Variants in UBE4B observed in about 807,000 individuals in gnomAD.
UBE4B encodes ubiquitin conjugation factor E4 B.
UBE4B carries 27 observed loss-of-function variants against 148.1 expected under a neutral mutation model. The observed-to-expected ratio is 0.18, with a 90% CI of 0.13 to 0.25. UBE4B has a LOEUF of 0.25. UBE4B is among the 10% of genes least tolerant of loss of function. UBE4B has a pLI of 1.00. For missense variants in UBE4B, 1,170 were observed against 1,662.4 expected, an observed-to-expected ratio of 0.70 and a Z score of 5.15; for synonymous variants, 596 against 619.3, an observed-to-expected ratio of 0.96 and a Z score of 0.56.
chr1:10,128,245 C>T (rs900226211), intron 11 of UBE4B: 3 of 152,166 alleles, frequency 2.0e-5, no homozygotes, highest in Non-Finnish European at 4.4e-5. Flanking sequence ...CTTTTAGCAT[C>T]TGATATCACC....
In UBE4B at chr1:10,154,200, G is replaced by A. The variant is rs115835954; in HGVS notation, c.2926+2639G>A. 9.2e-3 allele frequency among the ~76,000 whole-genome samples: 1,392 copies of A among 151,806 alleles called. 10 individuals are homozygous for A. The highest frequency in any genetic ancestry group is 0.021 in the African/African-American group (852 of 41,352). On this transcript the variant is annotated intron_variant, in intron 21 of 27. Transcript: ENST00000343090. ...AGAGGTTGCAATGAGCCAAGATCGCGCTACTGCACTTCAGCCTGGTGACAG... is the reference window on the plus strand; with the variant it reads ...AGAGGTTGCAATGAGCCAAGATCGCACTACTGCACTTCAGCCTGGTGACAG...
At chr1:10,121,540 C>T (rs768414284) in intron 9 of UBE4B, among the ~76,000 whole-genome samples, 14 of 152,070 alleles carry the variant, frequency 9.2e-5, no homozygotes, top group Non-Finnish European at 2.1e-4. Context: ...ACTCCAGGCA[C>T]ACACCATCTT....
intron 2 of UBE4B, among the ~76,000 whole-genome samples, chr1:10,086,425 G>A (rs1644767867): frequency 6.6e-6 from 1 of 152,160 alleles, no homozygotes; most frequent in African/African-American, 2.4e-5. Flanking sequence ...TTATCAGGGA[G>A]GGGTTGCAGG....
chr1:10,132,588 T>C lies in UBE4B; in HGVS notation c.2025+106T>C, dbSNP rs1469190632. The stretch of plus-strand genomic sequence containing the variant: ...TGTTCTAGGAGTGGGGGTACAGTAT[T>C]GAACAAGGTAGACGAGCTTCCTGCT... On this transcript the variant is annotated intron_variant, in intron 15 of 27. Coordinates refer to ENST00000343090, the MANE Select transcript of UBE4B (RefSeq NM_001105562.3). 8 of 890,952 alleles carry C rather than the reference T, an allele frequency of 9.0e-6. No individual in the cohort carries two copies. In the African/African-American group the frequency reaches 1.2e-4, roughly 13 times the overall value. 55.2% of individuals were successfully genotyped at this position (890,952 alleles called of 1,614,324 possible). A position where few individuals can be genotyped will look rare whatever the true frequency, so the allele number is the denominator to read the frequency against.
At chr1:10,047,141 T>A (rs1199833563) in intron 1 of UBE4B, among the ~76,000 whole-genome samples, 10 of 152,232 alleles carry the variant, frequency 6.6e-5, no homozygotes, top group Admixed American at 5.9e-4. Flanking sequence ...ATATTTGTAT[T>A]GTTAAGGTTG....
intron 2 of UBE4B, among the ~76,000 whole-genome samples, chr1:10,083,484 T>C (rs561425450): frequency 3.3e-5 from 5 of 152,364 alleles, no homozygotes; most frequent in African/African-American, 1.2e-4. Flanking sequence ...TGGTAAGTTG[T>C]CTTTGGCTAA....
intron 2 of UBE4B, among the ~76,000 whole-genome samples, chr1:10,090,906 A>G (rs979302600): frequency 2.0e-5 from 3 of 152,086 alleles, no homozygotes; most frequent in Non-Finnish European, 2.9e-5. Context: ...AGGGAACATC[A>G]TTCAGGAAAT....
At chr1:10,163,688 AAG>A (rs988245474) in intron 23 of UBE4B, among the ~76,000 whole-genome samples, 12 of 152,006 alleles carry the variant, frequency 7.9e-5, no homozygotes, top group African/African-American at 2.9e-4. Context: ...ATAAATATTA[AAG>A]AGAGAGAGTC....
intron 4 of UBE4B, among the ~76,000 whole-genome samples, chr1:10,101,498 C>CTTTTTTTTTTTTT (rs34066776): frequency 1.8e-5 from 1 of 56,178 alleles, no homozygotes; most frequent in East Asian, 5.0e-4. Flanking sequence ...TGGTCTTTTG[C>CTTTTTTTTTTTTT]TTTTTTTTTT....
rs190947854 is a variant in UBE4B at position 10,086,385 on chromosome 1, T to G, written c.212-9076T>G. On this transcript the variant is annotated intron_variant, in intron 2 of 27. Coordinates refer to ENST00000343090, the MANE Select transcript of UBE4B (RefSeq NM_001105562.3). ...GGCCTCCCAAAGTGTTCAGTGACTA[T>G]TAAATATGCACTGTGAAATGTATTC... Among the ~76,000 whole-genome samples, 856 of 152,222 alleles carry G rather than the reference T, an allele frequency of 5.6e-3. 17 individuals carry two copies. The highest frequency in any genetic ancestry group is 3.7e-3 in the South Asian group (18 of 4,824).
At chr1:10,174,428 C>T (rs934824735) in intron 25 of UBE4B, among the ~76,000 whole-genome samples, 1 of 150,506 alleles carries the variant, frequency 6.6e-6, no homozygotes, top group African/African-American at 2.4e-5. Flanking sequence ...GGGCTGGGTG[C>T]GGTGGCTCAC....
At chr1:10,156,525 G>A (rs1254763957) in intron 21 of UBE4B, among the ~76,000 whole-genome samples, 6 of 152,094 alleles carry the variant, frequency 3.9e-5, no homozygotes, top group African/African-American at 1.2e-4. Flanking sequence ...CAGATGCGGG[G>A]CCCTGCTGAG....
intron 1 of UBE4B, among the ~76,000 whole-genome samples, chr1:10,053,678 T>C (rs1334833263): frequency 6.6e-6 from 1 of 152,062 alleles, no homozygotes; most frequent in African/African-American, 2.4e-5. Context: ...GCATGGCTGA[T>C]TTTGAAAACT....
At chr1:10,173,498 T>C (rs1204937119) in intron 25 of UBE4B, among the ~76,000 whole-genome samples, 1 of 148,684 alleles carries the variant, frequency 6.7e-6, no homozygotes, top group African/African-American at 2.5e-5. Context: ...AAAAAAATTA[T>C]ATATATATAT....
chr1:10,099,099 G>A (rs769630874), intron 3 of UBE4B, among the ~76,000 whole-genome samples: 6 of 152,002 alleles, frequency 3.9e-5, no homozygotes, highest in African/African-American at 7.2e-5. Flanking sequence ...AAAATTAGCC[G>A]GGCATGGTGG....
At chr1:10,134,956 T>C in intron 15 of UBE4B, 32 bp from the exon 16 acceptor site, 1 of 1,604,106 alleles carries the variant, frequency 6.2e-7, no homozygotes, top group Non-Finnish European at 8.5e-7. Context: ...TTTTTAATGT[T>C]TAAAAATACT....
At chr1:10,086,127 A>AT in intron 2 of UBE4B, among the ~76,000 whole-genome samples, 1 of 151,994 alleles carries the variant, frequency 6.6e-6, no homozygotes, top group Non-Finnish European at 1.5e-5. Flanking sequence ...GCCCGCCACC[A>AT]CGCCAGGCTA....
intron 19 of UBE4B, among the ~76,000 whole-genome samples, chr1:10,148,175 G>C (rs547608905): frequency 6.6e-6 from 1 of 150,970 alleles, no homozygotes; most frequent in African/African-American, 2.4e-5. Context: ...TCCGGTGAGC[G>C]GAGATCACGT....
chr1:10,082,249 A>G (rs573769288), intron 2 of UBE4B, among the ~76,000 whole-genome samples: 65 of 152,090 alleles, frequency 4.3e-4, no homozygotes, highest in African/African-American at 1.5e-3. Flanking sequence ...CCGTCATCCT[A>G]GTGCTTTGGG....
Sources: allele counts gnomAD v4.1 joint callset (sites outside exome capture counted in the v4.1 genomes callset), GRCh38; gene constraint gnomAD v4.1.1; transcripts MANE v1.5; gene names NCBI Gene and HGNC (gene_info 2026-07-23, HGNC 2026-07-21).